Variants in RNF114 observed in about 807,000 individuals in gnomAD.
RNF114 encodes E3 ubiquitin-protein ligase RNF114.
In RNF114, 6 loss-of-function variants were observed where a neutral mutation model predicts 28.4. That is an observed-to-expected ratio of 0.21 (90% CI 0.12 to 0.42). RNF114 has a LOEUF of 0.42. Ranked by LOEUF, RNF114 falls within the 10% of genes least tolerant of loss-of-function variation. The pLI, the probability that RNF114 is intolerant of heterozygous loss-of-function variation, is 1.00. For synonymous variants in RNF114, 115 were observed against 116.7 expected (o/e 0.99, Z 0.09); for missense variants, 249 against 311.7 (o/e 0.80, Z 1.51).
At chr20:49,938,517 T>G (rs1416132177) in intron 1 of RNF114, among the ~76,000 whole-genome samples, 1 of 152,174 alleles carries the variant, frequency 6.6e-6, no homozygotes, top group African/African-American at 2.4e-5. Context: ...GGCATTGGAT[T>G]TTTATAAAAC....
chr20:49,945,528 TG>T (rs1315212196), intron 3 of RNF114, 40 bp downstream of exon 3: 4 of 1,216,884 alleles, frequency 3.3e-6, no homozygotes, highest in Non-Finnish European at 4.7e-6. Context: ...GGTCATCTCT[TG>T]CTATTAATAC....
Position 49,952,223 on chromosome 20 carries a change from T to TA in RNF114, c.*83dup. 1 of 1,241,892 alleles carries TA rather than the reference T, an allele frequency of 8.1e-7. No homozygotes were observed. The highest frequency in any genetic ancestry group is 1.9e-4 in the Middle Eastern group (1 of 5,350). The allele number at this position is 1,241,892 out of a possible 1,614,324, so 76.9% of individuals were successfully genotyped here. On this transcript the variant is annotated 3_prime_UTR_variant, in exon 6 of 6. Transcript: ENST00000244061. ...CGTGAAATCTATGACTCCTGTACCT[T>TA]ACCTGTTCAACAGACCTGAAAATGA... is the stretch of plus-strand genomic sequence containing the variant.
rs1438776115 is a variant in RNF114 at position 49,952,600 on chromosome 20, C to G, written c.*459C>G. 4.6e-6 allele frequency: 1 copy of G among 217,054 alleles called. No individual in the cohort carries two copies. Among genetic ancestry groups the G allele is most frequent in the African/African-American group, 2.3e-5 (1 of 44,034 alleles). The allele number at this position is 217,054 out of a possible 1,614,324, so 13.4% of individuals were successfully genotyped here. ...CAGACTTTGGCAGCCGTGCACCTGA[C>G]CAGAGCTGAAGCTCCCGCTGGGCTG... On this transcript the variant is annotated 3_prime_UTR_variant, in exon 6 of 6. Coordinates refer to ENST00000244061, the MANE Select transcript of RNF114 (RefSeq NM_018683.4).
At chr20:49,944,408 C>T (rs1401993723) in intron 2 of RNF114, 1 of 152,194 alleles carries the variant, frequency 6.6e-6, no homozygotes, top group Non-Finnish European at 1.5e-5. Flanking sequence ...TTGCTTTTCT[C>T]CATTTTCAAG....
At chr20:49,948,826 C>T (rs889622137) in intron 4 of RNF114, among the ~76,000 whole-genome samples, 2 of 152,206 alleles carry the variant, frequency 1.3e-5, no homozygotes, top group African/African-American at 4.8e-5. Context: ...GCTTTTCAGC[C>T]TGATCCCCCT....
chr20:49,951,723 T>C (rs1251646941), intron 5 of RNF114, among the ~76,000 whole-genome samples: 11 of 152,170 alleles, frequency 7.2e-5, no homozygotes, highest in Admixed American at 3.9e-4. Flanking sequence ...ACTAAAAACA[T>C]AAAAATTAGC....
chr20:49,944,779 G>A (rs993347249), intron 2 of RNF114: 1 of 152,338 alleles, frequency 6.6e-6, no homozygotes, highest in Non-Finnish European at 1.5e-5. Flanking sequence ...TACTCAGGAG[G>A]CTGAGGTGGG....
chr20:49,947,404 T>C (rs2090337092), intron 4 of RNF114, among the ~76,000 whole-genome samples: 1 of 152,260 alleles, frequency 6.6e-6, no homozygotes, highest in South Asian at 2.1e-4. Context: ...ATGGGCAGCC[T>C]TCAGCTCCAT....
intron 5 of RNF114, among the ~76,000 whole-genome samples, chr20:49,950,013 A>G (rs1331529059): frequency 6.9e-6 from 1 of 144,364 alleles, no homozygotes; most frequent in African/African-American, 2.5e-5. Context: ...GCACTTTGGG[A>G]GGCCGAGGTG....
At position 49,953,444 on chromosome 20, in the gene RNF114, A is replaced by G. The variant is rs1383323545; in HGVS notation, c.*1303A>G. 1 of 152,268 alleles carries G rather than the reference A, an allele frequency of 6.6e-6. No individual in the cohort carries two copies. Among genetic ancestry groups the G allele is most frequent in the East Asian group, 1.9e-4 (1 of 5,172 alleles). The allele number at this position is 152,268 out of a possible 1,614,324, so 9.4% of individuals were successfully genotyped here. ...GGGTTTAGGTTGGTTTTTTGATGTC[A>G]TATGTCTCTGATGGGGCTGCAAGTG... On this transcript the variant is annotated 3_prime_UTR_variant, in exon 6 of 6. Coordinates refer to ENST00000244061, the MANE Select transcript of RNF114 (RefSeq NM_018683.4).
At chr20:49,945,923 C>T (rs1000712057) in intron 3 of RNF114, among the ~76,000 whole-genome samples, 41 of 152,184 alleles carry the variant, frequency 2.7e-4, no homozygotes, top group African/African-American at 9.6e-4. Context: ...GCTTTGGCCT[C>T]CCAAAGTGCT....
At chr20:49,950,542 G>A (rs2090351331) in intron 5 of RNF114, among the ~76,000 whole-genome samples, 1 of 151,928 alleles carries the variant, frequency 6.6e-6, no homozygotes, top group African/African-American at 2.4e-5. Flanking sequence ...GTAACCAGGT[G>A]TGGTGGCTCC....
chr20:49,949,221 C>A, intron 4 of RNF114, 27 bp from the exon 5 acceptor site: 1 of 1,595,880 alleles, frequency 6.3e-7, no homozygotes, highest in Non-Finnish European at 8.6e-7. Flanking sequence ...AAATTGGGTG[C>A]CTAAGACCTT....
Position 49,945,399 on chromosome 20 carries a change from C to T in RNF114, c.309C>T (p.Ile103=). ...TATTTGAGTTCTTCCTGTCCAAGAT[C>T]CGGTCCCACGTGGCTACTTGTTCCA... The part of the protein sequence containing the change: ...GCRKNFFLSK[I]RSHVATCSKY... Residue 103 remains isoleucine (I), a synonymous_variant, in exon 3 of 6, where the codon ATC becomes ATT. Coordinates refer to ENST00000244061, the MANE Select transcript of RNF114 (RefSeq NM_018683.4). The T allele has an allele frequency of 6.2e-7, 1 of 1,611,986 alleles. No individual in the cohort carries two copies.
intron 2 of RNF114, among the ~76,000 whole-genome samples, chr20:49,942,254 C>T (rs1337893242): frequency 6.6e-6 from 1 of 151,644 alleles, no homozygotes; most frequent in Non-Finnish European, 1.5e-5. Flanking sequence ...AAGACCCTGT[C>T]TCTTAAAAAA....
At chr20:49,947,330 C>A (rs908333271) in intron 4 of RNF114, among the ~76,000 whole-genome samples, 1 of 148,288 alleles carries the variant, frequency 6.7e-6, no homozygotes, top group African/African-American at 2.5e-5. Context: ...GTGTATACTT[C>A]CTCTATAGTT....
chr20:49,939,630 G>C (rs569954105), intron 1 of RNF114, among the ~76,000 whole-genome samples: 1 of 152,054 alleles, frequency 6.6e-6, no homozygotes, highest in Admixed American at 6.6e-5. Flanking sequence ...AAGTCCTCCT[G>C]ATTCTACCTT....
At position 49,952,821 on chromosome 20, in the gene RNF114, G is replaced by A. The variant is rs2090360390; in HGVS notation, c.*680G>A. On this transcript the variant is annotated 3_prime_UTR_variant, in exon 6 of 6. Coordinates refer to ENST00000244061, the MANE Select transcript of RNF114 (RefSeq NM_018683.4). ...GTATAACCATACATTTTTGGTGGAA[G>A]TGTTTCTGGGTTAGGGAAGTTAAAG... 1 of 152,692 alleles carries A rather than the reference G, an allele frequency of 6.5e-6. No homozygotes were observed. The highest frequency in any genetic ancestry group is 2.4e-5 in the African/African-American group (1 of 41,452). The allele number at this position is 152,692 out of a possible 1,614,324, so 9.5% of individuals were successfully genotyped here. A position where few individuals can be genotyped will look rare whatever the true frequency, so the allele number is the denominator to read the frequency against.
intron 2 of RNF114, chr20:49,941,965 C>T (rs575211521): frequency 2.2e-6 from 1 of 447,228 alleles, no homozygotes; most frequent in Admixed American, 4.5e-5. Flanking sequence ...CAGTTTTTTC[C>T]TATAAAAGAT....
Sources: gnomAD v4.1 joint callset for allele counts (sites outside exome capture counted in the v4.1 genomes callset) on GRCh38, gnomAD v4.1.1 for gene constraint, MANE v1.5 for transcripts, NCBI Gene and HGNC (gene_info 2026-07-23, HGNC 2026-07-21) for gene names.